CNBP: variants seen among roughly 807,000 people sequenced by gnomAD.
CNBP encodes cellular nucleic acid-binding protein.
In CNBP, 6 loss-of-function variants were observed where a neutral mutation model predicts 21.2. That is an observed-to-expected ratio of 0.28 (90% CI 0.16 to 0.56). The LOEUF is 0.56. Ranked by LOEUF, CNBP falls within the 20% of genes least tolerant of loss-of-function variation. The pLI is 0.93. For synonymous variants in CNBP, 61 were observed against 74.9 expected, an observed-to-expected ratio of 0.81 and a Z score of 0.96; for missense variants, 112 against 233.1, an observed-to-expected ratio of 0.48 and a Z score of 3.38.
At chr3:129,182,066 T>C (rs1938338226) in intron 1 of CNBP, among the ~76,000 whole-genome samples, 1 of 152,144 alleles carries the variant, frequency 6.6e-6, no homozygotes, top group Non-Finnish European at 1.5e-5. Context: ...ATAAGTACTA[T>C]ATCTCTTATC....
chr3:129,183,356 G>A (rs1296822230), intron 1 of CNBP, among the ~76,000 whole-genome samples: 1 of 151,898 alleles, frequency 6.6e-6, no homozygotes, highest in East Asian at 1.9e-4. Flanking sequence ...CCCTTCATCC[G>A]CAGCCGGGAG....
chr3:129,171,033 G>A (rs1937558393), intron 4 of CNBP, 46 bp downstream of exon 4: 2 of 1,563,586 alleles, frequency 1.3e-6, no homozygotes, highest in Non-Finnish European at 1.7e-6. Context: ...ATCTCTGGAA[G>A]AATCTCTGCA....
At chr3:129,179,201 C>T (rs946326247) in intron 1 of CNBP, among the ~76,000 whole-genome samples, 10 of 151,838 alleles carry the variant, frequency 6.6e-5, no homozygotes, top group African/African-American at 2.4e-4. Context: ...CGCTTGAACC[C>T]GGGAGGCAGA....
chr3:129,177,314 C>T (rs1937973559), intron 1 of CNBP, among the ~76,000 whole-genome samples: 1 of 152,110 alleles, frequency 6.6e-6, no homozygotes, highest in Non-Finnish European at 1.5e-5. Flanking sequence ...ACTGATGTAG[C>T]CTGCCTGACA....
chr3:129,181,034 G>A (rs1169863201), intron 1 of CNBP, among the ~76,000 whole-genome samples: 2 of 151,722 alleles, frequency 1.3e-5, no homozygotes, highest in Non-Finnish European at 2.9e-5. Context: ...GAGGTCAGGA[G>A]ATCAAGACCA....
chr3:129,176,915 G>A (rs757727261), intron 1 of CNBP, among the ~76,000 whole-genome samples: 5 of 152,060 alleles, frequency 3.3e-5, no homozygotes, highest in Non-Finnish European at 7.4e-5. Flanking sequence ...AAATATCAAA[G>A]GAAGAAAGCT....
chr3:129,174,364 A>AC (rs201133711), intron 1 of CNBP, among the ~76,000 whole-genome samples: 5,376 of 148,192 alleles, frequency 0.036, 154 homozygotes, highest in Non-Finnish European at 0.053. Flanking sequence ...AAAAAAAAAA[A>AC]AAAAAAAAAA....
At position 129,167,932 on chromosome 3, in the gene CNBP, G is replaced by A. The variant is rs115036251; in HGVS notation, c.*2521C>T. 6.6e-3 allele frequency among the ~76,000 whole-genome samples: 1,000 copies of A among 152,266 alleles called. 10 individuals are homozygous for A. Among genetic ancestry groups the A allele is most frequent in the African/African-American group, 0.023 (943 of 41,534 alleles). ...TAAGCTTATATTCATAAAGAAATGGGTATGTTATTACCTCTTTTTCTTGCT... is the reference window on the plus strand; with the variant it reads ...TAAGCTTATATTCATAAAGAAATGGATATGTTATTACCTCTTTTTCTTGCT... On this transcript the variant is annotated 3_prime_UTR_variant, in exon 5 of 5. Transcript: ENST00000422453.
intron 1 of CNBP, among the ~76,000 whole-genome samples, chr3:129,179,357 TGG>T (rs1235899960): frequency 2.0e-5 from 3 of 152,154 alleles, no homozygotes; most frequent in Non-Finnish European, 4.4e-5. Context: ...GCCAGAATAA[TGG>T]AAAACAGAGT....
intron 1 of CNBP, among the ~76,000 whole-genome samples, chr3:129,172,329 C>T (rs925638239): frequency 2.1e-4 from 32 of 152,054 alleles, no homozygotes; most frequent in African/African-American, 7.5e-4. Context: ...TGCCTGTAAT[C>T]CTAGCACTTT....
intron 1 of CNBP, among the ~76,000 whole-genome samples, chr3:129,181,761 A>G (rs1187309371): frequency 6.6e-6 from 1 of 152,104 alleles, no homozygotes; most frequent in Non-Finnish European, 1.5e-5. Context: ...GAAAAAAAAG[A>G]GGACCTTTGG....
intron 1 of CNBP, among the ~76,000 whole-genome samples, chr3:129,177,008 C>A (rs1937948866): frequency 1.3e-5 from 2 of 152,124 alleles, no homozygotes; most frequent in South Asian, 4.1e-4. Context: ...ACACCCAAGA[C>A]AACTAAAAAA....
At chr3:129,179,408 C>G (rs1344654270) in intron 1 of CNBP, among the ~76,000 whole-genome samples, 1 of 152,160 alleles carries the variant, frequency 6.6e-6, no homozygotes, top group African/African-American at 2.4e-5. Flanking sequence ...ATCCTGGTTC[C>G]TGAACTTACT....
intron 1 of CNBP, among the ~76,000 whole-genome samples, 193 bp downstream of exon 1, chr3:129,183,580 TGTC>T (rs1204692218): frequency 1.3e-5 from 2 of 152,194 alleles, no homozygotes; most frequent in African/African-American, 4.8e-5. Flanking sequence ...AGGACAGAAG[TGTC>T]GTCCGACAGC....
At chr3:129,180,894 T>G (rs990599868) in intron 1 of CNBP, among the ~76,000 whole-genome samples, 1 of 152,078 alleles carries the variant, frequency 6.6e-6, no homozygotes, top group African/African-American at 2.4e-5. Flanking sequence ...AGGCACCAGT[T>G]TGGTACTATC....
intron 1 of CNBP, among the ~76,000 whole-genome samples, chr3:129,177,075 T>C (rs536275605): frequency 1.3e-4 from 20 of 152,270 alleles, no homozygotes; most frequent in Admixed American, 8.5e-4. Context: ...AGTCCAAGAA[T>C]TCATAATCAA....
At chr3:129,175,051 G>A (rs1307934240) in intron 1 of CNBP, among the ~76,000 whole-genome samples, 1 of 152,006 alleles carries the variant, frequency 6.6e-6, no homozygotes, top group East Asian at 1.9e-4. Context: ...ACAAAATTAG[G>A]GCAGGCGTGG....
chr3:129,174,467 ACCAG>A (rs1273527479), intron 1 of CNBP, among the ~76,000 whole-genome samples: 11 of 150,856 alleles, frequency 7.3e-5, no homozygotes, highest in Non-Finnish European at 1.3e-4. Context: ...GGAGTTCGAG[ACCAG>A]CCTCACCAAG....
At chr3:129,174,198 C>G (rs1285301448) in intron 1 of CNBP, among the ~76,000 whole-genome samples, 1 of 151,894 alleles carries the variant, frequency 6.6e-6, no homozygotes, top group Non-Finnish European at 1.5e-5. Flanking sequence ...CATTTCTAGT[C>G]AGAACAAACA....
Sources: allele counts gnomAD v4.1 joint callset (sites outside exome capture counted in the v4.1 genomes callset), GRCh38; gene constraint gnomAD v4.1.1; transcripts MANE v1.5; gene names NCBI Gene and HGNC (gene_info 2026-07-23, HGNC 2026-07-21).